SPINK5: variants seen among roughly 807,000 people sequenced by gnomAD.
SPINK5 encodes the protein serine peptidase inhibitor Kazal type 5.
A neutral mutation model predicts 151.8 loss-of-function variants in SPINK5; 125 were observed. The observed-to-expected ratio is 0.82, with a 90% confidence interval of 0.71 to 0.96. SPINK5 has a LOEUF of 0.96. Among genes scored for constraint, SPINK5 ranks in the 40% least tolerant of loss-of-function variants. The pLI is 0.00. For synonymous variants in SPINK5, 374 were observed against 395.3 expected (o/e 0.95, Z 0.64); for missense variants, 1,194 against 1,291.9 (o/e 0.92, Z 1.16).
At chr5:148,100,030 T>G (rs1004813802) in intron 12 of SPINK5, among the ~76,000 whole-genome samples, 2 of 152,078 alleles carry the variant, frequency 1.3e-5, no homozygotes, top group African/African-American at 4.8e-5. Context: ...TAGTTTTATT[T>G]TCATAAACCT....
intron 26 of SPINK5, 86 bp downstream of exon 26, chr5:148,120,477 ACT>A (rs1754228360): frequency 6.1e-6 from 9 of 1,467,236 alleles, no homozygotes; most frequent in Non-Finnish European, 8.4e-6. Flanking sequence ...TGAAATGCTG[ACT>A]CTGTCCCAAT....
intron 2 of SPINK5, among the ~76,000 whole-genome samples, chr5:148,068,772 A>G (rs1350699793): frequency 1.3e-5 from 2 of 152,022 alleles, no homozygotes; most frequent in African/African-American, 2.4e-5. Flanking sequence ...AAACAACAAA[A>G]ATCCCCTTAG....
intron 3 of SPINK5, among the ~76,000 whole-genome samples, chr5:148,070,877 A>C (rs1752721543): frequency 1.3e-5 from 2 of 152,118 alleles, no homozygotes; most frequent in East Asian, 3.9e-4. Context: ...GTGACAGCCA[A>C]CCAGCAGAAG....
At chr5:148,091,089 G>T in intron 7 of SPINK5, 76 bp from the exon 8 acceptor site, 1 of 1,227,186 alleles carries the variant, frequency 8.1e-7, no homozygotes. Flanking sequence ...GGATATGAAA[G>T]TGTTTAGCAC....
At chr5:148,080,086 C>T (rs1752981165) in intron 4 of SPINK5, among the ~76,000 whole-genome samples, 1 of 150,860 alleles carries the variant, frequency 6.6e-6, no homozygotes, top group South Asian at 2.1e-4. Context: ...ATTAATAATA[C>T]AAAATTGTAT....
rs776978527 is a variant in SPINK5, at chr5:148,101,346, C to T, written c.1221-9C>T. 3.1e-6 allele frequency: 5 copies of T among 1,596,118 alleles called. No homozygotes were observed. The African/African-American group carries it at 6.7e-5, about 21-fold the overall frequency. ...TTTTACTTATCTCTTCTTAACCATC[C>T]TTTTTTAGCCAAGCAGAAGAAGAAG... is the stretch of plus-strand genomic sequence containing the variant. On this transcript the variant is annotated splice_polypyrimidine_tract_variant and intron_variant, in intron 13 of 32. Coordinates refer to ENST00000256084, the MANE Select transcript of SPINK5 (RefSeq NM_006846.4).
At chr5:148,094,609 TC>T in intron 9 of SPINK5, 128 bp downstream of exon 9, 1 of 1,465,816 alleles carries the variant, frequency 6.8e-7, no homozygotes, top group Non-Finnish European at 9.4e-7. Flanking sequence ...TTTTATGCCC[TC>T]CACAAATCAT....
intron 3 of SPINK5, 127 bp downstream of exon 3, chr5:148,070,577 C>T: frequency 8.4e-7 from 1 of 1,197,300 alleles, no homozygotes; most frequent in Non-Finnish European, 1.2e-6. Context: ...AAGTGCTGAG[C>T]AGATCACTCT....
rs1003848945 is a variant in SPINK5, at chr5:148,079,246, G to A, written c.282+7026G>A. 3.3e-5 allele frequency among the ~76,000 whole-genome samples: 5 copies of A among 151,082 alleles called. No individual in the cohort carries two copies. The South Asian group carries it at 1.0e-3, about 31-fold the overall frequency. On this transcript the variant is annotated intron_variant, in intron 4 of 32. Coordinates refer to ENST00000256084, the MANE Select transcript of SPINK5 (RefSeq NM_006846.4). ...CAAGAAGAAATGGAAAATCATAATA[G>A]ACTTACAGCATAAGTAAAGACATTG...
intron 24 of SPINK5, among the ~76,000 whole-genome samples, 180 bp downstream of exon 24, chr5:148,119,238 A>C (rs528946633): frequency 6.6e-6 from 1 of 152,174 alleles, no homozygotes; most frequent in Non-Finnish European, 1.5e-5. Flanking sequence ...CCTAATGCCA[A>C]GTGGACATCT....
At chr5:148,098,743 G>A (rs143279608) in intron 11 of SPINK5, among the ~76,000 whole-genome samples, 2 of 152,020 alleles carry the variant, frequency 1.3e-5, no homozygotes, top group Admixed American at 6.6e-5. Context: ...GCAAAGCTAG[G>A]GTACACATGG....
intron 3 of SPINK5, among the ~76,000 whole-genome samples, chr5:148,071,092 A>G (rs1158961053): frequency 1.3e-5 from 2 of 152,106 alleles, no homozygotes; most frequent in Non-Finnish European, 2.9e-5. Context: ...CCCAAAGGTA[A>G]AAGAAGGCTT....
intron 5 of SPINK5, among the ~76,000 whole-genome samples, chr5:148,088,312 T>G (rs1034576294): frequency 7.2e-5 from 11 of 151,896 alleles, no homozygotes; most frequent in Admixed American, 4.6e-4. Flanking sequence ...AAGATTTCTA[T>G]AAATAACATT....
intron 32 of SPINK5, chr5:148,134,125 T>A: frequency 3.6e-6 from 2 of 555,070 alleles, no homozygotes; most frequent in Admixed American, 5.2e-5. Flanking sequence ...ATAGATTGTT[T>A]ATGAGCAATG....
chr5:148,122,607 A>G (rs982322190), intron 26 of SPINK5, among the ~76,000 whole-genome samples: 7 of 152,252 alleles, frequency 4.6e-5, no homozygotes, highest in Admixed American at 2.0e-4. Flanking sequence ...TTATGTTTCA[A>G]TGAACACAAA....
At position 148,089,632 on chromosome 5, in the gene SPINK5, T is replaced by G; in HGVS notation, c.602+11T>G. 1 of 1,611,572 alleles carries G rather than the reference T, an allele frequency of 6.2e-7. No individual in the cohort carries two copies. The highest frequency in any genetic ancestry group is 8.5e-7 in the Non-Finnish European group (1 of 1,178,326). On this transcript the variant is annotated intron_variant, in intron 7 of 32. Transcript: ENST00000256084. Reference sequence around the variant, plus strand: ...GTGTGCTGAGCTGTTGTAAGTAGCATCATCCCCAGGTGGACTTGATGATGA... The same window carrying G: ...GTGTGCTGAGCTGTTGTAAGTAGCAGCATCCCCAGGTGGACTTGATGATGA...
intron 11 of SPINK5, among the ~76,000 whole-genome samples, chr5:148,098,958 C>T (rs576804409): frequency 2.4e-4 from 36 of 152,126 alleles, no homozygotes; most frequent in Non-Finnish European, 2.8e-4. Flanking sequence ...GATCATGCTC[C>T]TTTTCTTACT....
Position 148,065,561 on chromosome 5 carries a change from A to ATG in SPINK5, c.81+189_81+190insTG, listed in dbSNP as rs1561669928. On this transcript the variant is annotated intron_variant, in intron 2 of 32. Coordinates refer to ENST00000256084, the MANE Select transcript of SPINK5 (RefSeq NM_006846.4). Reference sequence around the variant, plus strand: ...GCCTCTCTCTCACACACACACACACACACACACACACTCAACATATTAATG... The same window carrying ATG: ...GCCTCTCTCTCACACACACACACACATGCACACACACACTCAACATATTAATG... 9,765 of 620,364 alleles carry ATG rather than the reference A, an allele frequency of 0.016. 725 individuals are homozygous for ATG. In the African/African-American group the frequency reaches 0.16, roughly 10 times the overall value. The allele number at this position is 620,364 out of a possible 1,614,324, so 38.4% of individuals were successfully genotyped here.
At chr5:148,091,047 T>C (rs1017663643) in intron 7 of SPINK5, 118 bp from the exon 8 acceptor site, 8 of 865,748 alleles carry the variant, frequency 9.2e-6, no homozygotes, top group Admixed American at 4.0e-5. Flanking sequence ...TTGTCTCTTG[T>C]AAGAGGATCA....
Sources: allele counts gnomAD v4.1 joint callset (sites outside exome capture counted in the v4.1 genomes callset), GRCh38; gene constraint gnomAD v4.1.1; transcripts MANE v1.5; gene names NCBI Gene and HGNC (gene_info 2026-07-23, HGNC 2026-07-21).